The following NUP210L variants were observed in gnomAD, a reference collection of about 807,000 sequenced individuals.
The protein encoded by NUP210L is nucleoporin 210 like, also known as nuclear pore membrane glycoprotein 210-like.
NUP210L carries 74 observed loss-of-function variants against 208.5 expected under a neutral mutation model. That is an observed-to-expected ratio of 0.35 (90% CI 0.29 to 0.43). The LOEUF is 0.43. Among genes scored for constraint, NUP210L ranks in the 20% least tolerant of loss-of-function variants. The pLI, the probability that NUP210L is intolerant of heterozygous loss-of-function variation, is 1.00. For synonymous variants in NUP210L, 780 were observed against 816.9 expected, an observed-to-expected ratio of 0.95 and a Z score of 0.77; for missense variants, 1,843 against 2,289.4, an observed-to-expected ratio of 0.81 and a Z score of 3.98.
At chr1:153,993,902 A>AT (rs1434426947) in intron 38 of NUP210L, among the ~76,000 whole-genome samples, 2 of 151,588 alleles carry the variant, frequency 1.3e-5, no homozygotes, top group South Asian at 2.1e-4. Flanking sequence ...TCTCAAAAAA[A>AT]TTTTTTTTTA....
intron 10 of NUP210L, among the ~76,000 whole-genome samples, chr1:154,125,626 G>A (rs555078567): frequency 0.024 from 15 of 626 alleles, no homozygotes; most frequent in South Asian, 0.17. Context: ...TCTCTGAAAG[G>A]AAGGAAGGAA....
intron 23 of NUP210L, among the ~76,000 whole-genome samples, chr1:154,056,576 ATTTAT>A (rs1653881035): frequency 6.6e-6 from 1 of 151,932 alleles, no homozygotes; most frequent in African/African-American, 2.4e-5. Flanking sequence ...TGTCTGGCTA[ATTTAT>A]TTTATTTTAT....
At chr1:154,028,149 A>C (rs2066134) in intron 28 of NUP210L, among the ~76,000 whole-genome samples, 10,433 of 152,264 alleles carry the variant, frequency 0.069, 499 homozygotes, top group East Asian at 0.19. Context: ...CTCGACCCAT[A>C]TAAGTGATAA....
intron 13 of NUP210L, 98 bp downstream of exon 13, chr1:154,103,914 G>T: frequency 1.1e-6 from 1 of 887,328 alleles, no homozygotes; most frequent in Non-Finnish European, 1.7e-6. Context: ...ATTGTTGATT[G>T]CTTCCTTAAA....
chr1:154,026,715 A>G (rs1338976334), intron 29 of NUP210L, among the ~76,000 whole-genome samples: 1 of 152,202 alleles, frequency 6.6e-6, no homozygotes, highest in Non-Finnish European at 1.5e-5. Flanking sequence ...AATACTATTC[A>G]GTCATAAAAA....
At chr1:154,125,681 GGAAGGAAGGAAGGAAGGAAGGA>G (rs1657880527) in intron 10 of NUP210L, among the ~76,000 whole-genome samples, 1 of 6,616 alleles carries the variant, frequency 1.5e-4, no homozygotes, top group Non-Finnish European at 6.8e-4. Flanking sequence ...AAGGAAGGAA[GGAAGGAAGGAAGGAAGGAAGGA>G]AGGAAGGAAG....
chr1:154,053,896 C>A (rs1653666055), intron 25 of NUP210L, among the ~76,000 whole-genome samples: 1 of 152,154 alleles, frequency 6.6e-6, no homozygotes, highest in Non-Finnish European at 1.5e-5. Context: ...TCTCCACAAC[C>A]AACCTGGTCT....
At chr1:154,152,320 C>T (rs1438791274) in intron 2 of NUP210L, among the ~76,000 whole-genome samples, 16 of 151,172 alleles carry the variant, frequency 1.1e-4, no homozygotes, top group Non-Finnish European at 1.6e-4. Context: ...TACAGGTGTG[C>T]GCCACCACGC....
chr1:153,997,020 A>G (rs561514107), intron 37 of NUP210L, among the ~76,000 whole-genome samples: 2 of 151,682 alleles, frequency 1.3e-5, no homozygotes, highest in East Asian at 2.0e-4. Flanking sequence ...CTGCAGTGCA[A>G]TGGCATGATC....
chr1:154,074,645 C>T (rs751188503), intron 16 of NUP210L, among the ~76,000 whole-genome samples: 19 of 152,014 alleles, frequency 1.2e-4, no homozygotes, highest in African/African-American at 4.6e-4. Context: ...CCCGCCACTA[C>T]GCCTGGCTAA....
At chr1:154,136,868 C>T (rs373150319) in intron 6 of NUP210L, among the ~76,000 whole-genome samples, 2 of 124,740 alleles carry the variant, frequency 1.6e-5, no homozygotes, top group African/African-American at 6.2e-5. Context: ...TGCAGTGAGC[C>T]GAGATCATGC....
At chr1:154,022,548 T>A (rs1651626972) in intron 31 of NUP210L, among the ~76,000 whole-genome samples, 1 of 151,722 alleles carries the variant, frequency 6.6e-6, no homozygotes, top group South Asian at 2.1e-4. Flanking sequence ...TTTTTTCCAG[T>A]AAAGCCTTTT....
At chr1:154,106,336 A>T (rs940212441) in intron 12 of NUP210L, among the ~76,000 whole-genome samples, 2 of 152,158 alleles carry the variant, frequency 1.3e-5, no homozygotes, top group African/African-American at 4.8e-5. Flanking sequence ...GCTTAGTCGC[A>T]GTAGAATAGA....
intron 12 of NUP210L, chr1:154,104,532 G>T: frequency 3.7e-6 from 1 of 267,410 alleles, no homozygotes; most frequent in South Asian, 4.4e-5. Context: ...TGTGCACCTG[G>T]GGAGTACAGT....
At chr1:154,141,354 G>C in intron 4 of NUP210L, 77 bp downstream of exon 4, 1 of 882,226 alleles carries the variant, frequency 1.1e-6, no homozygotes, top group East Asian at 2.4e-5. Flanking sequence ...CACACAAATG[G>C]TTGCTTGTTC....
chr1:154,100,825 GTTAGTT>G (rs1656433922), intron 13 of NUP210L, among the ~76,000 whole-genome samples: 1 of 151,562 alleles, frequency 6.6e-6, no homozygotes, highest in Admixed American at 6.6e-5. Context: ...GCCACAAGCA[GTTAGTT>G]TTAAAGGAGA....
intron 16 of NUP210L, among the ~76,000 whole-genome samples, chr1:154,082,028 T>C (rs972890294): frequency 1.3e-5 from 2 of 152,210 alleles, no homozygotes; most frequent in Non-Finnish European, 2.9e-5. Flanking sequence ...ATTTCCTGTT[T>C]GGTAAACACA....
chr1:154,015,753 C>CA (rs1275602674), intron 33 of NUP210L, among the ~76,000 whole-genome samples: 4 of 149,182 alleles, frequency 2.7e-5, no homozygotes, highest in African/African-American at 7.3e-5. Context: ...ACACACACCC[C>CA]ACAGAATTAG....
At chr1:154,099,927 A>G (rs1656376148) in intron 14 of NUP210L, 71 bp downstream of exon 14, 2 of 1,447,696 alleles carry the variant, frequency 1.4e-6, no homozygotes, top group East Asian at 4.6e-5. Flanking sequence ...ACAGATAGCT[A>G]GTAAGCCCAT....
Sources: gnomAD v4.1 joint callset for allele counts (sites outside exome capture counted in the v4.1 genomes callset) on GRCh38, gnomAD v4.1.1 for gene constraint, MANE v1.5 for transcripts, NCBI Gene and HGNC (gene_info 2026-07-23, HGNC 2026-07-21) for gene names.